ERICH1: variants seen among roughly 807,000 people sequenced by gnomAD.
The protein encoded by ERICH1 is glutamate rich 1.
A neutral mutation model predicts 39.6 loss-of-function variants in ERICH1; 56 were observed. That is an observed-to-expected ratio of 1.41 (90% confidence interval 1.14 to 1.77). The LOEUF (loss-of-function observed/expected upper bound fraction) is 1.77, where lower values mean the gene tolerates loss of function less well. Among genes scored for constraint, ERICH1 ranks in the 40% most tolerant of loss-of-function variants. ERICH1 has a pLI of 0.00. For missense variants in ERICH1, 826 were observed against 575.4 expected, an observed-to-expected ratio of 1.44 and a Z score of -4.45; for synonymous variants, 313 against 223.6, an observed-to-expected ratio of 1.40 and a Z score of -3.57.
chr8:702,156 C>G lies in ERICH1; in HGVS notation c.170-9544G>C, dbSNP rs537289183. ...CTGGGCTTTGAAGCATCTAAAGAAC[C>G]CCGGAAATTGGTAAGACAAGCTCCG... On this transcript the variant is annotated intron_variant, in intron 2 of 5. Coordinates refer to ENST00000262109, the MANE Select transcript of ERICH1 (RefSeq NM_207332.3). 4.0e-5 allele frequency among the ~76,000 whole-genome samples: 6 copies of G among 151,550 alleles called. No homozygotes were observed. In the East Asian group the frequency reaches 1.2e-3, roughly 29 times the overall value.
chr8:688,911 T>C (rs892480438), intron 3 of ERICH1, among the ~76,000 whole-genome samples: 1 of 152,248 alleles, frequency 6.6e-6, no homozygotes, highest in Non-Finnish European at 1.5e-5. Flanking sequence ...CCTGGAGTTT[T>C]ACATAACTGC....
downstream of ERICH1, among the ~76,000 whole-genome samples, chr8:661,100 C>T (rs1801365940): frequency 6.6e-6 from 1 of 152,098 alleles, no homozygotes; most frequent in African/African-American, 2.4e-5. Flanking sequence ...AATTTCTGAC[C>T]CCTTCAAAGC....
chr8:638,132 C>G (rs1798590784), intron 3 of ERICH1, among the ~76,000 whole-genome samples: 1 of 152,246 alleles, frequency 6.6e-6, no homozygotes, highest in Non-Finnish European at 1.5e-5. Context: ...GGCAAAGCAC[C>G]TGCTGAGGAA....
intron 2 of ERICH1, among the ~76,000 whole-genome samples, chr8:704,651 G>A (rs971557397): frequency 6.6e-6 from 1 of 151,764 alleles, no homozygotes; most frequent in African/African-American, 2.4e-5. Flanking sequence ...GGAAGGACGG[G>A]GGTTGTAAAA....
At chr8:692,375 C>T in intron 3 of ERICH1, 103 bp downstream of exon 3, 1 of 1,510,896 alleles carries the variant, frequency 6.6e-7, no homozygotes. Flanking sequence ...GCTCACCCAC[C>T]CCCCAAGTAT....
intron 1 of ERICH1, among the ~76,000 whole-genome samples, chr8:718,525 C>T (rs746888298): frequency 5.9e-5 from 9 of 152,128 alleles, no homozygotes; most frequent in South Asian, 2.1e-4. Context: ...CAGTACATTT[C>T]GAATCTTTAT....
chr8:616,788 G>C (rs1469736917), intron 3 of ERICH1, among the ~76,000 whole-genome samples: 2 of 120,466 alleles, frequency 1.7e-5, no homozygotes, highest in Non-Finnish European at 1.7e-5. Flanking sequence ...GAGAGGGAGA[G>C]AGATGGGGAA....
chr8:706,879 G>C (rs1813400824), intron 2 of ERICH1, among the ~76,000 whole-genome samples: 1 of 152,186 alleles, frequency 6.6e-6, no homozygotes, highest in Non-Finnish European at 1.5e-5. Flanking sequence ...CCTAAAGCTA[G>C]GGACTGGACA....
chr8:717,789 G>A (rs938547340), intron 1 of ERICH1, among the ~76,000 whole-genome samples: 1 of 152,244 alleles, frequency 6.6e-6, no homozygotes, highest in Non-Finnish European at 1.5e-5. Context: ...CTGGAGCCAG[G>A]AAAATGCTAT....
chr8:699,991 A>G (rs377557516), intron 2 of ERICH1, among the ~76,000 whole-genome samples: 1,904 of 85,342 alleles, frequency 0.022, 1 homozygote, highest in Non-Finnish European at 0.036. Flanking sequence ...ACGCGCACAG[A>G]CCCTCACAGG....
intron 3 of ERICH1, among the ~76,000 whole-genome samples, chr8:689,848 A>G (rs1808510987): frequency 6.6e-6 from 1 of 152,172 alleles, no homozygotes; most frequent in African/African-American, 2.4e-5. Context: ...TGTCCACATC[A>G]CTGTAATAGA....
rs12547676 is a variant in ERICH1 at position 730,773 on chromosome 8, C to T, written c.22+367G>A. The stretch of plus-strand genomic sequence containing the variant: ...GCTGCCGGAGCCGGCTGCAGCCCCA[C>T]CCCGGAGCCCTGGGCTAGGACCCCT... On this transcript the variant is annotated intron_variant, in intron 1 of 5. Coordinates refer to ENST00000262109, the MANE Select transcript of ERICH1 (RefSeq NM_207332.3). 8.4e-3 allele frequency among the ~76,000 whole-genome samples: 1,284 copies of T among 152,344 alleles called. 5 individuals are homozygous for T. Among genetic ancestry groups the T allele is most frequent in the South Asian group, 0.018 (89 of 4,830 alleles).
At chr8:713,335 G>A (rs1042943760) in intron 2 of ERICH1, among the ~76,000 whole-genome samples, 1 of 152,208 alleles carries the variant, frequency 6.6e-6, no homozygotes, top group African/African-American at 2.4e-5. Context: ...TCTTTAAATG[G>A]CAAAAGTATG....
chr8:698,381 G>A (rs764685189), intron 2 of ERICH1, among the ~76,000 whole-genome samples: 3 of 152,000 alleles, frequency 2.0e-5, no homozygotes, highest in Admixed American at 6.6e-5. Flanking sequence ...ACCACGCCCA[G>A]ATAATTTTTG....
chr8:663,981 G>C (rs183484468), downstream of ERICH1, among the ~76,000 whole-genome samples: 5 of 152,128 alleles, frequency 3.3e-5, no homozygotes, highest in Non-Finnish European at 7.4e-5. Context: ...GGATGCTCTC[G>C]ATCTCCTGAC....
At chr8:671,925 G>A (rs977276071) in intron 4 of ERICH1, 1 of 160,840 alleles carries the variant, frequency 6.2e-6, no homozygotes, top group Non-Finnish European at 1.4e-5. Context: ...TGGGCTCCAG[G>A]CTCTGCTTTT....
At chr8:728,021 G>C (rs1224717758) in intron 1 of ERICH1, among the ~76,000 whole-genome samples, 1 of 152,206 alleles carries the variant, frequency 6.6e-6, no homozygotes, top group East Asian at 1.9e-4. Context: ...GACTGCTCAG[G>C]GCTGGGCCCT....
intron 2 of ERICH1, among the ~76,000 whole-genome samples, chr8:694,170 GGTTCCACTGTAGTCAACACA>G (rs1297451235): frequency 6.6e-6 from 1 of 152,156 alleles, no homozygotes; most frequent in African/African-American, 2.4e-5. Context: ...AGCCTTTTCA[GGTTCCACTGTAGTCAACACA>G]CTTTGCTCTC....
downstream of ERICH1, among the ~76,000 whole-genome samples, chr8:660,641 G>A (rs1352865670): frequency 6.6e-6 from 1 of 152,220 alleles, no homozygotes. Context: ...CATTTGTTAT[G>A]CAGAAGAAGA....
Sources: allele counts gnomAD v4.1 joint callset (sites outside exome capture counted in the v4.1 genomes callset), GRCh38; gene constraint gnomAD v4.1.1; transcripts MANE v1.5; gene names NCBI Gene and HGNC (gene_info 2026-07-23, HGNC 2026-07-21).